The following GCAT variants were observed in gnomAD, a reference collection of about 807,000 sequenced individuals.
The protein encoded by GCAT is 2-amino-3-ketobutyrate coenzyme A ligase, mitochondrial.
A neutral mutation model predicts 39.7 loss-of-function variants in GCAT; 26 were observed. The observed-to-expected ratio is 0.65, with a 90% confidence interval of 0.48 to 0.91. The LOEUF is 0.91. GCAT is among the 40% of genes least tolerant of loss of function. The pLI is 0.00. For missense variants in GCAT, 550 were observed against 576.2 expected, an observed-to-expected ratio of 0.95 and a Z score of 0.47; for synonymous variants, 218 against 237.2, an observed-to-expected ratio of 0.92 and a Z score of 0.74.
rs139816860 is a variant in GCAT, at chr22:37,816,596, G to A, written c.1138G>A (p.Val380Met). 50 of 1,614,010 alleles carry A rather than the reference G, an allele frequency of 3.1e-5. No individual in the cohort carries two copies. Among genetic ancestry groups the A allele is most frequent in the Admixed American group, 1.8e-4 (11 of 60,004 alleles). ...CTTTGTCATCGGGTTCAGCTACCCC[G>A]TGGTCCCCAAGGGCAAGGCCCGGAT... ...GIFVIGFSYPVVPKGKARIRV... is the reference protein window; with the variant it reads ...GIFVIGFSYPMVPKGKARIRV... Residue 380 changes from valine to methionine, a missense_variant, in exon 9 of 9, where the codon GTG (valine) becomes ATG (methionine). This residue lies in a region of GCAT where 378 missense variants were observed against 390.4 expected (regional missense o/e 0.97). Transcript: ENST00000248924.
chr22:37,813,404 G>A (rs1921817932), intron 3 of GCAT, 59 bp from the exon 4 acceptor site: 5 of 1,531,012 alleles, frequency 3.3e-6, no homozygotes, highest in Non-Finnish European at 4.4e-6. Flanking sequence ...TGGAGTCCCG[G>A]TCAAGGGAGA....
downstream of GCAT, chr22:37,816,963 G>C: frequency 2.1e-6 from 1 of 486,988 alleles, no homozygotes; most frequent in East Asian, 3.5e-5. Flanking sequence ...AATCAGGCAG[G>C]AGCCAGGGCT....
intron 3 of GCAT, 121 bp from the exon 4 acceptor site, chr22:37,813,342 G>A (rs1270590379): frequency 3.7e-6 from 4 of 1,093,450 alleles, no homozygotes; most frequent in Middle Eastern, 1.9e-4. Context: ...AGAACACCTT[G>A]CCTCTCTACC....
chr22:37,815,994 G>A (rs1601704382), intron 7 of GCAT, 160 bp downstream of exon 7: 2 of 462,162 alleles, frequency 4.3e-6, no homozygotes, highest in African/African-American at 2.1e-5. Flanking sequence ...TAGCTTCTGT[G>A]TCTCCTTCTT....
chr22:37,813,129 T>C (rs776398426), intron 3 of GCAT, 141 bp downstream of exon 3: 144 of 684,616 alleles, frequency 2.1e-4, no homozygotes, highest in Non-Finnish European at 3.5e-4. Context: ...AGGTCAAGGT[T>C]GGGCCAGGTA....
chr22:37,813,144 C>T, intron 3 of GCAT, 156 bp downstream of exon 3: 4 of 652,092 alleles, frequency 6.1e-6, no homozygotes, highest in Non-Finnish European at 1.1e-5. Flanking sequence ...CAGGTAGGTG[C>T]TCCAGGAGGA....
intron 2 of GCAT, among the ~76,000 whole-genome samples, chr22:37,812,102 A>G (rs540347918): frequency 7.0e-4 from 106 of 151,892 alleles, no homozygotes; most frequent in Middle Eastern, 6.9e-3. Context: ...AGCCCAAAGC[A>G]GAAGGATCAC....
chr22:37,809,618 G>A (rs1202178783), intron 1 of GCAT, among the ~76,000 whole-genome samples: 9 of 152,018 alleles, frequency 5.9e-5, no homozygotes, highest in African/African-American at 1.7e-4. Context: ...CTAGGAGTTC[G>A]AGACCAGCAC....
intron 2 of GCAT, among the ~76,000 whole-genome samples, chr22:37,812,207 C>T (rs898618815): frequency 1.5e-4 from 23 of 151,722 alleles, no homozygotes; most frequent in African/African-American, 2.2e-4. Flanking sequence ...TGTGGTGGTG[C>T]GCACCTGTAG....
rs36110853 is a variant in GCAT, at chr22:37,810,512, A to ATTT, written c.327+375_327+377dup. Among the ~76,000 whole-genome samples the ATTT allele has an allele frequency of 1.3e-3, 138 of 103,032 alleles. 1 individual carries two copies. Among genetic ancestry groups the ATTT allele is most frequent in the Non-Finnish European group, 1.5e-3 (83 of 54,592 alleles). 67.6% of individuals were successfully genotyped at this position (103,032 alleles called of 152,430 possible). ...ACAGGCATGCTACCACACCCAGCTA[A>ATTT]TTTTTTTTTTTTTTTTTTTTTTGAG... On this transcript the variant is annotated intron_variant, in intron 2 of 8. Coordinates refer to ENST00000248924, the MANE Select transcript of GCAT (RefSeq NM_014291.4).
At chr22:37,811,204 C>T (rs929074409) in intron 2 of GCAT, among the ~76,000 whole-genome samples, 2 of 152,062 alleles carry the variant, frequency 1.3e-5, no homozygotes, top group Admixed American at 6.5e-5. Flanking sequence ...TAGAATAGGC[C>T]GGGCGCAGTG....
rs200336403 is a variant in GCAT, at chr22:37,807,951, C to T, written c.-17C>T. 3.5e-4 allele frequency: 519 copies of T among 1,476,332 alleles called. No homozygotes were observed. The highest frequency in any genetic ancestry group is 1.7e-3 in the East Asian group (58 of 34,500). 91.5% of individuals were successfully genotyped at this position (1,476,332 alleles called of 1,614,324 possible). ...CGGCTCCCAGGCAGGCAGGCGCGCT[C>T]GGGCGAGGTAGGAGCGATGTGGCCT... is the stretch of plus-strand genomic sequence containing the variant. On this transcript the variant is annotated 5_prime_UTR_variant, in exon 1 of 9. Coordinates refer to ENST00000248924, the MANE Select transcript of GCAT (RefSeq NM_014291.4).
rs766236869 is a variant in GCAT at position 37,808,145 on chromosome 22, G to A, written c.178G>A (p.Val60Met). ...GTCCCGTCAGGGGCCGCACATCCGC[G>A]TGGACGGCGTCTCCGGAGGTAACGC... ...ITSRQGPHIR[V>M]DGVSGGILNF... The change falls in exon 1 of 9, where the codon GTG becomes ATG. Residue 60 changes from valine to methionine, a missense_variant. By Grantham distance (21) the Val-to-Met change is conservative (BLOSUM62 1). Coordinates refer to ENST00000248924, the MANE Select transcript of GCAT (RefSeq NM_014291.4). 1.3e-6 allele frequency: 2 copies of A among 1,517,644 alleles called. No individual in the cohort carries two copies. The highest frequency in any genetic ancestry group is 1.3e-5 in the South Asian group (1 of 79,512). The allele number at this position is 1,517,644 out of a possible 1,614,324, so 94.0% of individuals were successfully genotyped here.
Position 37,808,027 on chromosome 22 carries a change from A to T in GCAT, c.60A>T (p.Ala20=). ...TCTGGGTGCCCCGCGGCCGCCGCGC[A>T]CAGTCAGCGCTGGCCCAGCTGCGTG... ...ALFWVPRGRR[A]QSALAQLRGI... is the part of the protein sequence containing the mutation. Residue 20 remains alanine, a synonymous_variant, in exon 1 of 9, where the codon GCA becomes GCT. Transcript: ENST00000248924. 1 of 1,549,880 alleles carries T rather than the reference A, an allele frequency of 6.5e-7. No individual in the cohort carries two copies. The highest frequency in any genetic ancestry group is 8.7e-7 in the Non-Finnish European group (1 of 1,148,582).
At position 37,816,776 on chromosome 22, in the gene GCAT, G is replaced by C. The variant is rs1468473748; in HGVS notation, c.*58G>C. 1.3e-6 allele frequency: 2 copies of C among 1,581,912 alleles called. No homozygotes were observed. Among genetic ancestry groups the C allele is most frequent in the Non-Finnish European group, 1.7e-6 (2 of 1,154,060 alleles). ...GCCTACTGCCACAGGGTCAAAGGAG[G>C]TTTTCGATCAGCCCAGACCAGAGGC... On this transcript the variant is annotated 3_prime_UTR_variant, in exon 9 of 9. Coordinates refer to ENST00000248924, the MANE Select transcript of GCAT (RefSeq NM_014291.4).
chr22:37,815,304 C>A (rs772240099), intron 5 of GCAT, 24 bp downstream of exon 5: 1 of 1,609,796 alleles, frequency 6.2e-7, no homozygotes. Flanking sequence ...GCACCTGAGG[C>A]CTGGGGTGGG....
chr22:37,813,359 A>G (rs1314482805), intron 3 of GCAT, 104 bp from the exon 4 acceptor site: 5 of 1,269,484 alleles, frequency 3.9e-6, no homozygotes, highest in Non-Finnish European at 5.6e-6. Flanking sequence ...TACCCAGAGG[A>G]GCGCCCTGGC....
In GCAT at chr22:37,809,819, C is replaced by G. The variant is rs1012543883; in HGVS notation, c.197-208C>G. The G allele has an allele frequency of 1.9e-5, 10 of 539,152 alleles. No homozygotes were observed. In the African/African-American group the frequency reaches 2.0e-4, roughly 11 times the overall value. 33.4% of individuals were successfully genotyped at this position (539,152 alleles called of 1,614,324 possible). ...TGGGCGACAGAGCTAGACCCTGTCT[C>G]AAAAAAAAAAAAGTTTAAACTTCTT... On this transcript the variant is annotated intron_variant, in intron 1 of 8. Transcript: ENST00000248924.
At chr22:37,814,204 G>C (rs1197604464) in intron 4 of GCAT, among the ~76,000 whole-genome samples, 1 of 152,072 alleles carries the variant, frequency 6.6e-6, no homozygotes. Context: ...GGACTCGAGC[G>C]ATCCTCCCAC....
Sources: allele counts gnomAD v4.1 joint callset (sites outside exome capture counted in the v4.1 genomes callset), GRCh38; gene constraint gnomAD v4.1.1; regional missense constraint gnomAD v4.1.1; transcripts MANE v1.5; gene names NCBI Gene and HGNC (gene_info 2026-07-23, HGNC 2026-07-21).